CMIP: variants seen among roughly 807,000 people sequenced by gnomAD.
CMIP encodes c-Maf inducing protein, also known as C-Maf-inducing protein.
Under a neutral mutation model 97.3 loss-of-function variants are expected in CMIP, and 13 were observed. That is an observed-to-expected ratio of 0.13 (90% CI 0.09 to 0.21). The LOEUF (loss-of-function observed/expected upper bound fraction) is 0.21. Ranked by LOEUF, CMIP falls within the 10% of genes least tolerant of loss-of-function variation. CMIP has a pLI of 1.00. For missense variants in CMIP, 847 were observed against 1,024.9 expected, an observed-to-expected ratio of 0.83 and a Z score of 2.37; for synonymous variants, 538 against 436.3, an observed-to-expected ratio of 1.23 and a Z score of -2.91.
chr16:81,677,900 G>C (rs1904433084), intron 9 of CMIP, among the ~76,000 whole-genome samples: 1 of 152,232 alleles, frequency 6.6e-6, no homozygotes, highest in Non-Finnish European at 1.5e-5. Flanking sequence ...GATCCCATTG[G>C]CTTATCAAGA....
chr16:81,583,322 C>G (rs973536612), intron 1 of CMIP, among the ~76,000 whole-genome samples: 2 of 152,228 alleles, frequency 1.3e-5, no homozygotes, highest in African/African-American at 4.8e-5. Flanking sequence ...GGCTCCGGGC[C>G]TCTCATACAG....
intron 1 of CMIP, among the ~76,000 whole-genome samples, chr16:81,513,155 C>G (rs1295050245): frequency 5.3e-5 from 8 of 152,238 alleles, no homozygotes; most frequent in Non-Finnish European, 1.0e-4. Flanking sequence ...TGGTAAACCT[C>G]TGAGTTCTTT....
rs1244555046 is a variant in CMIP at position 81,678,627 on chromosome 16, C to T, written c.1387C>T (p.Leu463=). 2.0e-6 allele frequency: 3 copies of T among 1,503,250 alleles called. No homozygotes were observed. The highest frequency in any genetic ancestry group is 4.6e-5 in the East Asian group (2 of 43,914). The allele number at this position is 1,503,250 out of a possible 1,614,324, so 93.1% of individuals were successfully genotyped here. A position where few individuals can be genotyped will look rare whatever the true frequency, so the allele number is the denominator to read the frequency against. ...LGCYVEILKL[L]SDYDDWRPSL... ...CTGCTACGTGGAAATCCTCAAGCTG[C>T]TGTGAGTGCCCCCCCCGCGTGCCCG... Residue 463 remains leucine (L), a splice_region_variant and synonymous_variant, in exon 10 of 21, where the codon CTG becomes TTG. Coordinates refer to ENST00000537098, the MANE Select transcript of CMIP (RefSeq NM_198390.3).
chr16:81,662,195 T>G (rs1050848446), intron 6 of CMIP, among the ~76,000 whole-genome samples: 1 of 152,132 alleles, frequency 6.6e-6, no homozygotes, highest in Admixed American at 6.5e-5. Flanking sequence ...CTGTCCAATT[T>G]AACCCAAACC....
chr16:81,646,200 A>G (rs1394320631), intron 3 of CMIP, among the ~76,000 whole-genome samples: 2 of 130,842 alleles, frequency 1.5e-5, no homozygotes, highest in Admixed American at 8.2e-5. Context: ...AAGTAGATGG[A>G]TGAATGAATG....
At chr16:81,705,276 G>A (rs1419530459) in intron 18 of CMIP, among the ~76,000 whole-genome samples, 2 of 152,196 alleles carry the variant, frequency 1.3e-5, no homozygotes, top group African/African-American at 4.8e-5. Flanking sequence ...AGGGGGCCCT[G>A]GCCTGGCTCC....
intron 1 of CMIP, among the ~76,000 whole-genome samples, chr16:81,489,876 AC>A (rs1407593543): frequency 6.6e-6 from 1 of 152,200 alleles, no homozygotes; most frequent in African/African-American, 2.4e-5. Flanking sequence ...TAGGAATTTG[AC>A]CTTTTCTAGG....
At chr16:81,702,490 C>T (rs1310430489) in intron 16 of CMIP, 132 bp from the exon 17 acceptor site, 7 of 926,734 alleles carry the variant, frequency 7.6e-6, no homozygotes, top group African/African-American at 1.6e-5. Flanking sequence ...GCCCCTGAGA[C>T]CAAGACCACC....
intron 18 of CMIP, 138 bp from the exon 19 acceptor site, chr16:81,705,361 C>T: frequency 3.2e-6 from 2 of 619,752 alleles, no homozygotes; most frequent in Non-Finnish European, 5.6e-6. Flanking sequence ...TGAACGCAGC[C>T]CAGACCCCAG....
intron 1 of CMIP, among the ~76,000 whole-genome samples, chr16:81,473,686 C>G (rs778603371): frequency 6.6e-5 from 10 of 151,980 alleles, no homozygotes; most frequent in Non-Finnish European, 1.3e-4. Flanking sequence ...TTTTCGACCC[C>G]TGTAGGACTT....
chr16:81,585,585 C>G (rs2091368370), intron 1 of CMIP, among the ~76,000 whole-genome samples: 1 of 152,128 alleles, frequency 6.6e-6, no homozygotes, highest in Admixed American at 6.6e-5. Context: ...CCCTTTGTAT[C>G]AGGCTTCTTT....
chr16:81,579,003 C>T (rs1211652848), intron 1 of CMIP, among the ~76,000 whole-genome samples: 1 of 152,258 alleles, frequency 6.6e-6, no homozygotes, highest in Non-Finnish European at 1.5e-5. Flanking sequence ...TCTAGCTCAG[C>T]TTCTTCAGCT....
rs115106062 is a variant in CMIP at position 81,543,908 on chromosome 16, C to G, written c.301-63659C>G. On this transcript the variant is annotated intron_variant, in intron 1 of 20. Transcript: ENST00000537098. ...TGTCTAAAGAAGAGGGTTTACTGAG[C>G]TAATTGCAGGTCTGAATCGTATTAT... Among the ~76,000 whole-genome samples the G allele has an allele frequency of 6.5e-3, 995 of 152,338 alleles. 6 individuals carry two copies. Among genetic ancestry groups the G allele is most frequent in the African/African-American group, 0.023 (944 of 41,566 alleles).
chr16:81,523,345 T>G (rs1188597542), intron 1 of CMIP, among the ~76,000 whole-genome samples: 1 of 152,142 alleles, frequency 6.6e-6, no homozygotes, highest in Non-Finnish European at 1.5e-5. Context: ...TACTGTGGAG[T>G]CACTCCCTGT....
intron 3 of CMIP, among the ~76,000 whole-genome samples, chr16:81,639,272 C>T (rs966282371): frequency 5.9e-5 from 9 of 152,212 alleles, no homozygotes; most frequent in African/African-American, 1.7e-4. Flanking sequence ...TTGTTTAGTT[C>T]GGTGAAATAT....
intron 1 of CMIP, among the ~76,000 whole-genome samples, chr16:81,481,381 G>C (rs912617659): frequency 2.6e-5 from 4 of 152,220 alleles, no homozygotes; most frequent in Non-Finnish European, 4.4e-5. Flanking sequence ...GATGAGGACA[G>C]GGCCGCTCAG....
At chr16:81,518,306 C>T (rs761032023) in intron 1 of CMIP, 4 of 152,244 alleles carry the variant, frequency 2.6e-5, no homozygotes, top group African/African-American at 9.6e-5. Flanking sequence ...GGCTTGTTGA[C>T]ACCTGGAGTT....
At chr16:81,667,791 A>AGTGT (rs1268856193) in intron 7 of CMIP, among the ~76,000 whole-genome samples, 17 of 102,872 alleles carry the variant, frequency 1.7e-4, no homozygotes, top group East Asian at 1.2e-3. Flanking sequence ...AGAGAGAGAG[A>AGTGT]GAGAGAGAGT....
chr16:81,607,148 C>T (rs975489701), intron 1 of CMIP, among the ~76,000 whole-genome samples: 3 of 152,130 alleles, frequency 2.0e-5, no homozygotes, highest in Non-Finnish European at 2.9e-5. Flanking sequence ...CTCTGGAGGC[C>T]GAGTGGAGGA....
Sources: gnomAD v4.1 joint callset for allele counts (sites outside exome capture counted in the v4.1 genomes callset) on GRCh38, gnomAD v4.1.1 for gene constraint, MANE v1.5 for transcripts, NCBI Gene and HGNC (gene_info 2026-07-23, HGNC 2026-07-21) for gene names.